Variants in NCOA2 observed in about 807,000 individuals in gnomAD.
NCOA2 encodes class E basic helix-loop-helix protein 75.
NCOA2 carries 21 observed loss-of-function variants against 145.1 expected under a neutral mutation model. That is an observed-to-expected ratio of 0.14 (90% CI 0.10 to 0.21). The LOEUF is 0.21. NCOA2 is among the 10% of genes least tolerant of loss of function. The probability of loss-of-function intolerance (pLI) is 1.00; values close to 1 mark genes in which losing one functional copy is unlikely to be tolerated. For synonymous variants in NCOA2, 619 were observed against 637.5 expected (o/e 0.97, Z 0.44); for missense variants, 1,472 against 1,837.6 (o/e 0.80, Z 3.64).
At position 70,144,680 on chromosome 8, in the gene NCOA2, A is replaced by G; in HGVS notation, c.2774T>C (p.Met925Thr). The G allele has an allele frequency of 6.2e-7, 1 of 1,613,944 alleles. No homozygotes were observed. The highest frequency in any genetic ancestry group is 8.5e-7 in the Non-Finnish European group (1 of 1,179,890). The change falls in exon 13 of 23, where the codon ATG becomes ACG. Residue 925 changes from methionine to threonine, a missense_variant. Physicochemically the swap from Met to Thr is moderately conservative, Grantham distance 81. Transcript: ENST00000452400. ...CCCTAAATTTCCTTGGTTTCCTATC[A>G]TCCCTTGATTACCCATCATTCCTGG... ...PQPGMMGNQG[M>T]IGNQGNLGNS...
At chr8:70,196,828 A>C (rs1209157002) in intron 4 of NCOA2, among the ~76,000 whole-genome samples, 1 of 152,240 alleles carries the variant, frequency 6.6e-6, no homozygotes, top group African/African-American at 2.4e-5. Flanking sequence ...TAGGTAATGG[A>C]ATGCGGAGGT....
rs1805085038 is a variant in NCOA2, at chr8:70,311,156, C to A, written c.-76-14356G>T. Among the ~76,000 whole-genome samples the A allele has an allele frequency of 1.3e-5, 2 of 150,962 alleles. 1 individual carries two copies. The highest frequency in any genetic ancestry group is 1.3e-4 in the Admixed American group (2 of 15,152). The stretch of plus-strand genomic sequence containing the variant: ...AGTGTGTCCAAGAAAAATAAGCAAT[C>A]CTATTTTTTTATCCCAGTAATATTT... On this transcript the variant is annotated intron_variant, in intron 1 of 22. Transcript: ENST00000452400.
At chr8:70,423,160 CT>C in the NCOA2 span, among the ~76,000 whole-genome samples, 8 of 152,060 alleles carry the variant, frequency 5.3e-5, no homozygotes, top group Admixed American at 5.2e-4. Flanking sequence ...TTTATACTTT[CT>C]TTTTTTCTTG....
the NCOA2 span, among the ~76,000 whole-genome samples, chr8:70,425,358 G>C: frequency 1.3e-5 from 2 of 152,044 alleles, no homozygotes; most frequent in South Asian, 4.1e-4. Context: ...TTCTTTAGTG[G>C]TGACTCCTGA....
intron 4 of NCOA2, among the ~76,000 whole-genome samples, chr8:70,180,955 A>T (rs1410855353): frequency 6.6e-6 from 1 of 152,272 alleles, no homozygotes; most frequent in African/African-American, 2.4e-5. Context: ...ATTTATTTTT[A>T]AAAAAGTACA....
At chr8:70,150,435 G>C (rs1320582597) in intron 11 of NCOA2, among the ~76,000 whole-genome samples, 2 of 152,102 alleles carry the variant, frequency 1.3e-5, no homozygotes. Context: ...TTTATGTAGG[G>C]GCCATACTGC....
At chr8:70,312,768 T>C (rs1805241409) in intron 1 of NCOA2, among the ~76,000 whole-genome samples, 1 of 152,132 alleles carries the variant, frequency 6.6e-6, no homozygotes, top group South Asian at 2.1e-4. Flanking sequence ...GTTGACCCAA[T>C]ATCGTACTTC....
At chr8:70,292,478 G>C (rs989598655) in intron 2 of NCOA2, among the ~76,000 whole-genome samples, 3 of 150,926 alleles carry the variant, frequency 2.0e-5, no homozygotes, top group Admixed American at 6.6e-5. Flanking sequence ...TTAAATCCAG[G>C]AGGCAGAGGC....
intron 3 of NCOA2, among the ~76,000 whole-genome samples, chr8:70,214,369 C>G (rs1053172462): frequency 5.9e-5 from 9 of 152,016 alleles, no homozygotes; most frequent in Non-Finnish European, 1.3e-4. Context: ...TAGTGCAGTA[C>G]TTGAAACAAG....
intron 7 of NCOA2, 127 bp from the exon 8 acceptor site, chr8:70,163,693 T>C (rs138534799): frequency 4.5e-6 from 3 of 662,392 alleles, no homozygotes; most frequent in Non-Finnish European, 7.8e-6. Flanking sequence ...TGAAACACTA[T>C]GTACCTGAGC....
At chr8:70,168,646 T>G (rs1813897234) in intron 6 of NCOA2, among the ~76,000 whole-genome samples, 1 of 152,138 alleles carries the variant, frequency 6.6e-6, no homozygotes, top group Admixed American at 6.6e-5. Context: ...AAAAGCTTAT[T>G]TACAAAATAA....
chr8:70,443,355 CA>C, the NCOA2 span, among the ~76,000 whole-genome samples: 1 of 152,048 alleles, frequency 6.6e-6, no homozygotes, highest in Non-Finnish European at 1.5e-5. Flanking sequence ...ACCTGGGTGA[CA>C]GAGTGAGACC....
chr8:70,137,600 A>AGATG (rs1220507668), intron 15 of NCOA2, among the ~76,000 whole-genome samples: 1 of 152,270 alleles, frequency 6.6e-6, no homozygotes, highest in Non-Finnish European at 1.5e-5. Flanking sequence ...TCAAAGAACA[A>AGATG]GATGGACTGT....
chr8:70,448,457 A>G, the NCOA2 span, among the ~76,000 whole-genome samples: 1 of 152,228 alleles, frequency 6.6e-6, no homozygotes, highest in Non-Finnish European at 1.5e-5. Flanking sequence ...GACTAAAGTT[A>G]AAATTTAGTG....
At chr8:70,374,751 A>G (rs1326026257) in intron 1 of NCOA2, among the ~76,000 whole-genome samples, 1 of 151,560 alleles carries the variant, frequency 6.6e-6, no homozygotes, top group East Asian at 1.9e-4. Flanking sequence ...GCAGTGAGCT[A>G]TGATCATGCT....
chr8:70,243,765 T>C (rs981673541), intron 2 of NCOA2, among the ~76,000 whole-genome samples: 1 of 136,670 alleles, frequency 7.3e-6, no homozygotes, highest in Admixed American at 7.7e-5. Context: ...TGAGAGTTAC[T>C]GAAAGAGCAG....
chr8:70,304,585 C>A (rs1232952633), intron 1 of NCOA2, among the ~76,000 whole-genome samples: 1 of 152,094 alleles, frequency 6.6e-6, no homozygotes, highest in African/African-American at 2.4e-5. Context: ...TCTGCTTCAG[C>A]CTCCTGAGTG....
intron 1 of NCOA2, among the ~76,000 whole-genome samples, chr8:70,381,602 C>T (rs886856575): frequency 2.0e-5 from 3 of 152,242 alleles, no homozygotes; most frequent in East Asian, 1.9e-4. Context: ...GTAGTGACAC[C>T]ATATAATTAC....
chr8:70,131,989 T>G lies in NCOA2; in HGVS notation c.3172A>C (p.Ser1058Arg), dbSNP rs1809171726. ...GGACATAGCAAGTCATCTGGAGAAC[T>G]GCCAAATGGCTGCCTGTAAAGACAG... is the stretch of plus-strand genomic sequence containing the variant. ...FASQNRQPFGSSPDDLLCPHP... is the reference protein window; with the variant it reads ...FASQNRQPFGRSPDDLLCPHP... The change falls in exon 16 of 23, where the codon AGT becomes CGT. Residue 1058 changes from serine to arginine, a missense_variant. Ser to Arg is a moderately radical substitution (Grantham distance 110, BLOSUM62 -1). This residue lies in a region of NCOA2 where 953 missense variants were observed against 1,062.1 expected (regional missense o/e 0.90). Transcript: ENST00000452400. The G allele has an allele frequency of 1.2e-6, 2 of 1,612,374 alleles. No homozygotes were observed. The highest frequency in any genetic ancestry group is 4.5e-5 in the East Asian group (2 of 44,824).
Sources: allele counts gnomAD v4.1 joint callset (sites outside exome capture counted in the v4.1 genomes callset), GRCh38; gene constraint gnomAD v4.1.1; regional missense constraint gnomAD v4.1.1; transcripts MANE v1.5; gene names NCBI Gene and HGNC (gene_info 2026-07-23, HGNC 2026-07-21).